GRXCR1: variants seen among roughly 807,000 people sequenced by gnomAD.
GRXCR1 encodes glutaredoxin domain-containing cysteine-rich protein 1.
A neutral mutation model predicts 27.3 loss-of-function variants in GRXCR1; 27 were observed. The observed-to-expected ratio is 0.99, with a 90% CI of 0.73 to 1.37. The LOEUF is 1.37. Among genes scored for constraint, GRXCR1 ranks in the 40% most tolerant of loss-of-function variants. The pLI is 0.00. For missense variants in GRXCR1, 379 were observed against 354.4 expected (o/e 1.07, Z -0.56); for synonymous variants, 122 against 131.1 (o/e 0.93, Z 0.47).
chr4:42,987,391 T>C (rs909163936), intron 2 of GRXCR1, among the ~76,000 whole-genome samples: 1 of 150,740 alleles, frequency 6.6e-6, no homozygotes, highest in Non-Finnish European at 1.5e-5. Context: ...CAAGTGATCC[T>C]CCTGCCTCAG....
Position 42,987,222 on chromosome 4 carries a change from T to TATATATATTATA in GRXCR1, c.627+24088_627+24089insATATATATTATA, listed in dbSNP as rs369022273. ...TTTTCATATATATATTATATATATA[T>TATATATATTATA]TATATATTATATATATATAATATAT... On this transcript the variant is annotated intron_variant, in intron 2 of 3. Transcript: ENST00000399770. Among the ~76,000 whole-genome samples, 106 of 100,552 alleles carry TATATATATTATA rather than the reference T, an allele frequency of 1.1e-3. 1 individual carries two copies. The highest frequency in any genetic ancestry group is 3.9e-3 in the African/African-American group (101 of 26,140). The allele number at this position is 100,552 out of a possible 152,430, so 66.0% of individuals were successfully genotyped here. A position where few individuals can be genotyped will look rare whatever the true frequency, so the allele number is the denominator to read the frequency against.
intron 1 of GRXCR1, among the ~76,000 whole-genome samples, chr4:42,957,454 T>A (rs1176987739): frequency 6.6e-6 from 1 of 152,054 alleles, no homozygotes; most frequent in Non-Finnish European, 1.5e-5. Flanking sequence ...ACTCTAATAT[T>A]GCTATCTTTC....
intron 2 of GRXCR1, among the ~76,000 whole-genome samples, chr4:42,994,830 A>G (rs1053753733): frequency 6.6e-6 from 1 of 152,116 alleles, no homozygotes; most frequent in East Asian, 1.9e-4. Flanking sequence ...TTATCCTTAC[A>G]TGTTACTTTA....
At chr4:43,027,479 A>G (rs928908058) in intron 3 of GRXCR1, among the ~76,000 whole-genome samples, 2 of 152,232 alleles carry the variant, frequency 1.3e-5, no homozygotes, top group African/African-American at 4.8e-5. Context: ...TTTGAAAGTA[A>G]TATTTGTAAG....
chr4:42,960,444 G>A (rs1748105931), intron 1 of GRXCR1, among the ~76,000 whole-genome samples: 1 of 151,780 alleles, frequency 6.6e-6, no homozygotes, highest in African/African-American at 2.4e-5. Flanking sequence ...ATAGACCCTT[G>A]GGCACTTGGT....
intron 2 of GRXCR1, among the ~76,000 whole-genome samples, chr4:42,978,734 A>T (rs931777867): frequency 6.6e-5 from 10 of 152,072 alleles, no homozygotes; most frequent in Non-Finnish European, 1.2e-4. Flanking sequence ...GTAAGATTAA[A>T]CTGCTTGCAA....
intron 2 of GRXCR1, among the ~76,000 whole-genome samples, chr4:42,998,652 T>C (rs1261106975): frequency 6.6e-6 from 1 of 152,260 alleles, no homozygotes; most frequent in Admixed American, 6.5e-5. Flanking sequence ...TTGAATTTCA[T>C]GTTTGTGGCA....
chr4:42,946,743 A>C (rs922110960), intron 1 of GRXCR1, among the ~76,000 whole-genome samples: 8 of 152,132 alleles, frequency 5.3e-5, no homozygotes, highest in Non-Finnish European at 1.2e-4. Context: ...TTCTGCCTTC[A>C]TGACCTAATC....
intron 1 of GRXCR1, among the ~76,000 whole-genome samples, chr4:42,923,271 A>T (rs900216588): frequency 1.3e-5 from 2 of 152,108 alleles, no homozygotes; most frequent in Non-Finnish European, 2.9e-5. Flanking sequence ...TAGCAGTAGG[A>T]TATGTGATAA....
At chr4:42,930,221 A>G (rs1341707707) in intron 1 of GRXCR1, among the ~76,000 whole-genome samples, 1 of 152,050 alleles carries the variant, frequency 6.6e-6, no homozygotes, top group Non-Finnish European at 1.5e-5. Flanking sequence ...GGATCCCAGC[A>G]CAGCAGAAGC....
chr4:42,925,011 T>C (rs564200615), intron 1 of GRXCR1, among the ~76,000 whole-genome samples: 1 of 151,464 alleles, frequency 6.6e-6, no homozygotes, highest in East Asian at 2.0e-4. Flanking sequence ...TGTTTGCAGA[T>C]AATAGTTATA....
At chr4:43,017,553 A>G (rs187406620) in intron 2 of GRXCR1, among the ~76,000 whole-genome samples, 2 of 152,212 alleles carry the variant, frequency 1.3e-5, no homozygotes, top group Admixed American at 1.3e-4. Context: ...AAAGCACTTA[A>G]CACATTACTA....
At chr4:42,988,491 G>C (rs193061270) in intron 2 of GRXCR1, among the ~76,000 whole-genome samples, 3 of 152,156 alleles carry the variant, frequency 2.0e-5, no homozygotes, top group Admixed American at 2.0e-4. Context: ...TTTTTCCTAG[G>C]TTCAAAAACA....
chr4:42,975,981 C>T (rs949314028), intron 2 of GRXCR1, among the ~76,000 whole-genome samples: 12 of 152,116 alleles, frequency 7.9e-5, no homozygotes, highest in South Asian at 2.1e-4. Flanking sequence ...AACAGCTTCA[C>T]GTACAGTCTT....
chr4:42,902,513 C>G (rs1411605441), intron 1 of GRXCR1, among the ~76,000 whole-genome samples: 3 of 148,048 alleles, frequency 2.0e-5, no homozygotes, highest in Non-Finnish European at 3.0e-5. Flanking sequence ...ACCACATTTT[C>G]TTTATCCAGT....
chr4:43,001,447 G>A (rs940448246), intron 2 of GRXCR1, among the ~76,000 whole-genome samples: 1 of 152,122 alleles, frequency 6.6e-6, no homozygotes, highest in Non-Finnish European at 1.5e-5. Context: ...TTAAAATGCT[G>A]AATTCAGGAA....
chr4:42,911,076 T>G (rs1746713170), intron 1 of GRXCR1, among the ~76,000 whole-genome samples: 1 of 152,170 alleles, frequency 6.6e-6, no homozygotes, highest in South Asian at 2.1e-4. Flanking sequence ...CACATGTCTG[T>G]GAGGGACTGT....
intron 1 of GRXCR1, among the ~76,000 whole-genome samples, chr4:42,948,602 G>A (rs968117866): frequency 2.6e-5 from 4 of 151,404 alleles, no homozygotes; most frequent in African/African-American, 4.8e-5. Flanking sequence ...AAAGCTCCCC[G>A]CCCCCACCCG....
rs185934240 is a variant in GRXCR1 at position 42,942,980 on chromosome 4, C to T, written c.385-19912C>T. ...GACTGAAGAGTAAGGAGAGAAGGGA[C>T]GATGTTTTAGAGCAGGAGGAAGCCA... On this transcript the variant is annotated intron_variant, in intron 1 of 3. Transcript: ENST00000399770. Among the ~76,000 whole-genome samples, 140 of 152,020 alleles carry T rather than the reference C, an allele frequency of 9.2e-4. 1 individual carries two copies. Among genetic ancestry groups the T allele is most frequent in the Admixed American group, 2.8e-3 (42 of 15,256 alleles).
Sources: allele counts gnomAD v4.1 joint callset (sites outside exome capture counted in the v4.1 genomes callset), GRCh38; gene constraint gnomAD v4.1.1; transcripts MANE v1.5; gene names NCBI Gene and HGNC (gene_info 2026-07-23, HGNC 2026-07-21).